PACRG: variants seen among roughly 807,000 people sequenced by gnomAD.
The protein encoded by PACRG is parkin coregulated, also known as parkin coregulated gene protein.
A neutral mutation model predicts 29.7 loss-of-function variants in PACRG; 29 were observed. The observed-to-expected ratio is 0.98, with a 90% CI of 0.73 to 1.33. The LOEUF is 1.33. PACRG is among the 40% of genes most tolerant of loss of function. The pLI is 0.00. For synonymous variants in PACRG, 116 were observed against 118.7 expected, an observed-to-expected ratio of 0.98 and a Z score of 0.15; for missense variants, 279 against 316.2, an observed-to-expected ratio of 0.88 and a Z score of 0.89.
At chr6:163,307,243 G>A (rs780083106) in intron 4 of PACRG, among the ~76,000 whole-genome samples, 3 of 152,168 alleles carry the variant, frequency 2.0e-5, no homozygotes, top group African/African-American at 7.2e-5. Context: ...AGATGAAAAC[G>A]TTTCCTCAAG....
chr6:163,134,756 G>A (rs943012282), intron 4 of PACRG, among the ~76,000 whole-genome samples: 1 of 152,012 alleles, frequency 6.6e-6, no homozygotes, highest in Non-Finnish European at 1.5e-5. Flanking sequence ...TACTACTAAT[G>A]GACTAATATA....
intron 4 of PACRG, among the ~76,000 whole-genome samples, chr6:163,141,739 G>T (rs920084998): frequency 6.6e-6 from 1 of 151,942 alleles, no homozygotes; most frequent in Non-Finnish European, 1.5e-5. Flanking sequence ...CCAAAATGAC[G>T]TAAAAATCAT....
chr6:162,886,401 C>G (rs1395876506), intron 2 of PACRG, among the ~76,000 whole-genome samples: 1 of 152,144 alleles, frequency 6.6e-6, no homozygotes, highest in Non-Finnish European at 1.5e-5. Flanking sequence ...CGGGTTTTTC[C>G]TTTTCAAAAA....
chr6:163,145,198 A>G (rs1777746445), intron 4 of PACRG, among the ~76,000 whole-genome samples: 1 of 152,202 alleles, frequency 6.6e-6, no homozygotes, highest in Non-Finnish European at 1.5e-5. Context: ...ATCTTAGACA[A>G]ATCATTTGAT....
At chr6:162,807,036 G>A (rs1392589404) in intron 1 of PACRG, among the ~76,000 whole-genome samples, 1 of 152,174 alleles carries the variant, frequency 6.6e-6, no homozygotes, top group Non-Finnish European at 1.5e-5. Context: ...TTATGGAGAT[G>A]GTTTCTTTCC....
In PACRG at chr6:163,154,648, C is replaced by T. The variant is rs950520980; in HGVS notation, c.613+65240C>T. ...TTCACAAAGAAAAATACAGGATACC[C>T]AGTTAATTTGAATTTCAGATGAACA... On this transcript the variant is annotated intron_variant, in intron 4 of 4. Coordinates refer to ENST00000366888, the MANE Select transcript of PACRG (RefSeq NM_001080379.2). 3.9e-5 allele frequency among the ~76,000 whole-genome samples: 6 copies of T among 152,274 alleles called. No individual in the cohort carries two copies. The East Asian group carries it at 9.6e-4, about 24-fold the overall frequency.
At chr6:163,212,721 C>CCAACAAAA (rs1781199045) in intron 4 of PACRG, among the ~76,000 whole-genome samples, 1 of 151,582 alleles carries the variant, frequency 6.6e-6, no homozygotes, top group African/African-American at 2.4e-5. Flanking sequence ...ATATTATCTC[C>CCAACAAAA]CAACAAAATG....
chr6:163,131,719 C>T (rs546270036), intron 4 of PACRG, among the ~76,000 whole-genome samples: 1 of 152,182 alleles, frequency 6.6e-6, no homozygotes, highest in South Asian at 2.1e-4. Context: ...CCCTCACCAC[C>T]GAAGAGTGTT....
At chr6:163,299,520 G>A (rs950278565) in intron 4 of PACRG, among the ~76,000 whole-genome samples, 1 of 152,140 alleles carries the variant, frequency 6.6e-6, no homozygotes, top group Non-Finnish European at 1.5e-5. Flanking sequence ...CACTTCCTCT[G>A]CCAGACTACC....
At chr6:162,995,638 T>C (rs887173472) in intron 2 of PACRG, among the ~76,000 whole-genome samples, 14 of 152,236 alleles carry the variant, frequency 9.2e-5, no homozygotes, top group Non-Finnish European at 1.6e-4. Context: ...GCGCCCACTG[T>C]CTGGCACTCC....
At chr6:163,148,443 C>T (rs868249593) in intron 4 of PACRG, among the ~76,000 whole-genome samples, 2 of 152,210 alleles carry the variant, frequency 1.3e-5, no homozygotes, top group Admixed American at 1.3e-4. Flanking sequence ...CTGGCCATCA[C>T]GGGCAGGTTC....
chr6:162,933,601 C>CTTTTTTTTTTTTT (rs71008119), intron 2 of PACRG, among the ~76,000 whole-genome samples: 12 of 74,608 alleles, frequency 1.6e-4, no homozygotes, highest in African/African-American at 5.2e-4. Context: ...CTTTCTGTAT[C>CTTTTTTTTTTTTT]TTTTTTTTTT....
At chr6:162,984,813 G>A (rs1394328630) in intron 2 of PACRG, among the ~76,000 whole-genome samples, 2 of 149,666 alleles carry the variant, frequency 1.3e-5, no homozygotes, top group Non-Finnish European at 3.0e-5. Flanking sequence ...ATCTTCTTTT[G>A]AGAATTGTCT....
chr6:163,246,909 T>A (rs1469876160), intron 4 of PACRG, among the ~76,000 whole-genome samples: 1 of 152,238 alleles, frequency 6.6e-6, no homozygotes, highest in African/African-American at 2.4e-5. Context: ...TTTAACAGAA[T>A]AAGACTTTTC....
intron 1 of PACRG, among the ~76,000 whole-genome samples, chr6:162,782,383 G>A (rs1220755875): frequency 6.6e-6 from 1 of 151,840 alleles, no homozygotes; most frequent in South Asian, 2.1e-4. Flanking sequence ...TACAAAAGAT[G>A]TGAAATATTT....
At chr6:162,825,879 A>C (rs1450849184) in intron 2 of PACRG, among the ~76,000 whole-genome samples, 2 of 151,852 alleles carry the variant, frequency 1.3e-5, no homozygotes, top group Non-Finnish European at 2.9e-5. Flanking sequence ...TTTCCCTTTC[A>C]TTTCTGGGGA....
intron 1 of PACRG, among the ~76,000 whole-genome samples, chr6:162,736,749 G>A (rs1013060819): frequency 4.6e-5 from 7 of 151,454 alleles, no homozygotes; most frequent in Admixed American, 2.6e-4. Flanking sequence ...TATTTTGAGA[G>A]CATATAGAGT....
intron 4 of PACRG, among the ~76,000 whole-genome samples, chr6:163,204,938 G>C (rs113603201): frequency 0.026 from 3,954 of 152,230 alleles, 157 homozygotes; most frequent in African/African-American, 0.085. Context: ...GCCAAGCTGA[G>C]AGCCAAATCA....
intron 1 of PACRG, among the ~76,000 whole-genome samples, chr6:162,796,402 A>G (rs968014712): frequency 1.3e-5 from 2 of 151,940 alleles, no homozygotes; most frequent in Admixed American, 1.3e-4. Flanking sequence ...TTCTATTTTT[A>G]TCTTTCTCTG....
Sources: allele counts gnomAD v4.1 joint callset (sites outside exome capture counted in the v4.1 genomes callset), GRCh38; gene constraint gnomAD v4.1.1; transcripts MANE v1.5; gene names NCBI Gene and HGNC (gene_info 2026-07-23, HGNC 2026-07-21).